The following FGD4 variants were observed in gnomAD, a reference collection of about 807,000 sequenced individuals.
The protein encoded by FGD4 is FYVE, RhoGEF and PH domain containing 4, also known as FYVE, RhoGEF and PH domain-containing protein 4.
A neutral mutation model predicts 102.0 loss-of-function variants in FGD4; 42 were observed. That is an observed-to-expected ratio of 0.41 (90% CI 0.32 to 0.53). The LOEUF (loss-of-function observed/expected upper bound fraction) is 0.53. Ranked by LOEUF, FGD4 falls within the 20% of genes least tolerant of loss-of-function variation. FGD4 has a pLI of 0.21. For missense variants in FGD4, 902 were observed against 1,078.2 expected, an observed-to-expected ratio of 0.84 and a Z score of 2.29; for synonymous variants, 380 against 375.7, an observed-to-expected ratio of 1.01 and a Z score of -0.13.
At chr12:32,502,424 T>G in intron 1 of FGD4, 6 of 822,288 alleles carry the variant, frequency 7.3e-6, no homozygotes, top group Non-Finnish European at 8.8e-6. Context: ...AAGTGAGCTC[T>G]AAGCTCTTTT....
chr12:32,464,353 G>A lies in FGD4; in HGVS notation c.166+64394G>A, dbSNP rs369105820. 2.6e-3 allele frequency among the ~76,000 whole-genome samples: 400 copies of A among 152,060 alleles called. 3 individuals are homozygous for A. Among genetic ancestry groups the A allele is most frequent in the African/African-American group, 9.4e-3 (390 of 41,508 alleles). On this transcript the variant is annotated intron_variant, in intron 1 of 16. Transcript: ENST00000534526. ...GTTTTAGTAGAGACAGGGTTTCACC[G>A]TGTTGCCCAGGCTGGTCTCGAACTC...
intron 15 of FGD4, among the ~76,000 whole-genome samples, chr12:32,634,760 G>A (rs1950694911): frequency 6.6e-6 from 1 of 152,180 alleles, no homozygotes; most frequent in Non-Finnish European, 1.5e-5. Context: ...GGAAGTTGAG[G>A]CAGTTGGATC....
intron 1 of FGD4, among the ~76,000 whole-genome samples, chr12:32,472,462 TCCCCCAGCAGTGCTGG>T: frequency 1.3e-5 from 2 of 152,268 alleles, no homozygotes; most frequent in Non-Finnish European, 2.9e-5. Context: ...GTGTACTGGG[TCCCCCAGCAGTGCTGG>T]CCCACCGGTG....
chr12:32,440,896 A>C (rs1942412709), intron 1 of FGD4, among the ~76,000 whole-genome samples: 1 of 152,126 alleles, frequency 6.6e-6, no homozygotes, highest in African/African-American at 2.4e-5. Context: ...TCCCTTTTCC[A>C]AAGGCAGAAG....
rs932740285 is a variant in FGD4 at position 32,406,563 on chromosome 12, T to A, written c.166+6604T>A. 1.3e-4 allele frequency among the ~76,000 whole-genome samples: 20 copies of A among 150,038 alleles called. No homozygotes were observed. The East Asian group carries it at 2.0e-3, about 15-fold the overall frequency. On this transcript the variant is annotated intron_variant, in intron 1 of 16. Transcript: ENST00000534526. ...AGCTAGACTCCATCTCAAAAAAATT[T>A]AAAAAAAAAGAAAAAATTTATGCAT... is the stretch of plus-strand genomic sequence containing the variant.
intron 3 of FGD4, among the ~76,000 whole-genome samples, chr12:32,577,607 A>G (rs1946231780): frequency 6.6e-6 from 1 of 152,210 alleles, no homozygotes. Context: ...GCCTGTCTTC[A>G]ATTTTCATTC....
intron 1 of FGD4, among the ~76,000 whole-genome samples, chr12:32,459,055 C>T (rs1943026176): frequency 6.6e-6 from 1 of 152,180 alleles, no homozygotes; most frequent in African/African-American, 2.4e-5. Flanking sequence ...AGTGATGATA[C>T]CTTCAGAAAT....
chr12:32,627,097 C>T (rs1950220224), intron 14 of FGD4, among the ~76,000 whole-genome samples: 1 of 151,682 alleles, frequency 6.6e-6, no homozygotes, highest in African/African-American at 2.4e-5. Context: ...ATCCGCCCGC[C>T]TCGGCCTCCC....
intron 12 of FGD4, chr12:32,624,756 G>A: frequency 1.6e-6 from 1 of 630,470 alleles, no homozygotes; most frequent in Non-Finnish European, 2.8e-6. Flanking sequence ...TTACAGGTGT[G>A]AGCCACCACG....
chr12:32,495,617 G>A (rs1166296696), intron 1 of FGD4, among the ~76,000 whole-genome samples: 1 of 150,172 alleles, frequency 6.7e-6, no homozygotes, highest in African/African-American at 2.5e-5. Flanking sequence ...AATGTTGTGA[G>A]CCCGGGAGGC....
chr12:32,611,036 C>T (rs1349679007), intron 9 of FGD4, 101 bp from the exon 10 acceptor site: 1 of 1,435,966 alleles, frequency 7.0e-7, no homozygotes, highest in Non-Finnish European at 9.7e-7. Flanking sequence ...ATGCTTACTC[C>T]TAATCCCTTC....
At chr12:32,450,139 G>T (rs1942733514) in intron 1 of FGD4, among the ~76,000 whole-genome samples, 1 of 151,934 alleles carries the variant, frequency 6.6e-6, no homozygotes, top group African/African-American at 2.4e-5. Context: ...CACCATATTG[G>T]CCAGGCTGGT....
At chr12:32,611,055 G>A in intron 9 of FGD4, 82 bp from the exon 10 acceptor site, 6 of 1,534,950 alleles carry the variant, frequency 3.9e-6, no homozygotes, top group Non-Finnish European at 4.5e-6. Flanking sequence ...TCTAAATTTA[G>A]ATTTTAGTTA....
chr12:32,511,586 G>T (rs1422255208), intron 1 of FGD4, among the ~76,000 whole-genome samples: 1 of 152,124 alleles, frequency 6.6e-6, no homozygotes, highest in African/African-American at 2.4e-5. Context: ...ACAGTTGTGA[G>T]CCACCGCGCC....
rs1233071153 is a variant in FGD4, at chr12:32,620,520, CTTTTTT to C, written c.1922+668_1922+673del. On this transcript the variant is annotated intron_variant, in intron 11 of 16. Transcript: ENST00000534526. ...CTAGCCATAACCATTTTTTTTCTTTCTTTTTTTTTTTTTTTTTTTTTTTGAGATGGA... is the reference window on the plus strand; with the variant it reads ...CTAGCCATAACCATTTTTTTTCTTTCTTTTTTTTTTTTTTTTTGAGATGGA... Among the ~76,000 whole-genome samples the C allele has an allele frequency of 7.7e-5, 7 of 91,126 alleles. No homozygotes were observed. In the East Asian group the frequency reaches 1.4e-3, roughly 18 times the overall value. The allele number at this position is 91,126 out of a possible 152,430, so 59.8% of individuals were successfully genotyped here.
chr12:32,625,989 G>T (rs1950144451), intron 14 of FGD4, among the ~76,000 whole-genome samples: 1 of 152,042 alleles, frequency 6.6e-6, no homozygotes, highest in African/African-American at 2.4e-5. Flanking sequence ...GTTGTAATGG[G>T]GAAGACAGAC....
chr12:32,481,431 T>G (rs1943761723), intron 1 of FGD4, among the ~76,000 whole-genome samples: 1 of 152,228 alleles, frequency 6.6e-6, no homozygotes. Flanking sequence ...GTCATATTTT[T>G]GCAACTTCCT....
At chr12:32,598,094 T>C (rs1948056412) in intron 4 of FGD4, among the ~76,000 whole-genome samples, 1 of 152,190 alleles carries the variant, frequency 6.6e-6, no homozygotes, top group South Asian at 2.1e-4. Context: ...GCGGCTGGCC[T>C]AATAAAATAT....
intron 1 of FGD4, among the ~76,000 whole-genome samples, chr12:32,561,379 ACC>A (rs1944577685): frequency 6.6e-6 from 1 of 151,906 alleles, no homozygotes; most frequent in African/African-American, 2.4e-5. Flanking sequence ...GAGCCACCGC[ACC>A]TGGCCCAAAT....
Sources: gnomAD v4.1 joint callset for allele counts (sites outside exome capture counted in the v4.1 genomes callset) on GRCh38, gnomAD v4.1.1 for gene constraint, MANE v1.5 for transcripts, NCBI Gene and HGNC (gene_info 2026-07-23, HGNC 2026-07-21) for gene names.